ZNF804B: variants seen among roughly 807,000 people sequenced by gnomAD.
The protein encoded by ZNF804B is zinc finger 804B.
ZNF804B carries 80 observed loss-of-function variants against 101.4 expected under a neutral mutation model. The observed-to-expected ratio is 0.79, with a 90% CI of 0.66 to 0.95. The LOEUF (loss-of-function observed/expected upper bound fraction) is 0.95. Among genes scored for constraint, ZNF804B ranks in the 40% least tolerant of loss-of-function variants. The pLI, the probability that ZNF804B is intolerant of heterozygous loss-of-function variation, is 0.00. For synonymous variants in ZNF804B, 622 were observed against 558.8 expected (o/e 1.11, Z -1.59); for missense variants, 1,673 against 1,561.9 (o/e 1.07, Z -1.20).
rs1002400328 is a variant in ZNF804B at position 89,081,895 on chromosome 7, C to T, written c.109-136260C>T. On this transcript the variant is annotated intron_variant, in intron 1 of 3. Coordinates refer to ENST00000333190, the MANE Select transcript of ZNF804B (RefSeq NM_181646.5). ...CCCTTTTGTCTGAAACTCTTCCTTT[C>T]TTCAAATCCAAGGGAACATCTTCAC... is the stretch of plus-strand genomic sequence containing the variant. 4.0e-4 allele frequency among the ~76,000 whole-genome samples: 61 copies of T among 151,666 alleles called. 1 individual carries two copies. Among genetic ancestry groups the T allele is most frequent in the Non-Finnish European group, 3.0e-5 (2 of 67,752 alleles).
chr7:89,027,874 T>C (rs1464703158), intron 1 of ZNF804B, among the ~76,000 whole-genome samples: 1 of 152,164 alleles, frequency 6.6e-6, no homozygotes, highest in African/African-American at 2.4e-5. Context: ...ATGCCCTCAA[T>C]GTTCTGCTTT....
rs1365202784 is a variant in ZNF804B at position 89,277,310 on chromosome 7, GT to G, written c.250-50027del. Among the ~76,000 whole-genome samples, 125 of 148,720 alleles carry G rather than the reference GT, an allele frequency of 8.4e-4. 5 individuals are homozygous for G. The highest frequency in any genetic ancestry group is 2.9e-3 in the African/African-American group (119 of 40,406). ...TCTACCATCAAAAACATCTAAAGGA[GT>G]TTTTTTCTTTTTTTTTTCTTTTTTT... On this transcript the variant is annotated intron_variant, in intron 2 of 3. Coordinates refer to ENST00000333190, the MANE Select transcript of ZNF804B (RefSeq NM_181646.5).
At chr7:88,981,901 A>T (rs779578605) in intron 1 of ZNF804B, among the ~76,000 whole-genome samples, 1 of 151,992 alleles carries the variant, frequency 6.6e-6, no homozygotes, top group African/African-American at 2.4e-5. Context: ...ACTGTCTTTC[A>T]TACCCTCTTT....
chr7:88,800,344 T>C (rs1220206251), intron 1 of ZNF804B, among the ~76,000 whole-genome samples: 2 of 152,150 alleles, frequency 1.3e-5, no homozygotes, highest in Non-Finnish European at 2.9e-5. Context: ...CCAATAGTAT[T>C]ACGGAACAGT....
chr7:89,235,228 T>G (rs1789262555), intron 2 of ZNF804B, among the ~76,000 whole-genome samples: 1 of 152,214 alleles, frequency 6.6e-6, no homozygotes, highest in Non-Finnish European at 1.5e-5. Flanking sequence ...AATTTCTGTT[T>G]ATTTTTTCCA....
intron 1 of ZNF804B, among the ~76,000 whole-genome samples, chr7:89,029,797 A>C (rs1788803293): frequency 6.6e-6 from 1 of 152,122 alleles, no homozygotes; most frequent in Non-Finnish European, 1.5e-5. Flanking sequence ...TCCTTTCAGT[A>C]ATGTAATTGA....
At chr7:89,207,760 C>T (rs1380757788) in intron 1 of ZNF804B, among the ~76,000 whole-genome samples, 2 of 152,170 alleles carry the variant, frequency 1.3e-5, no homozygotes, top group Non-Finnish European at 2.9e-5. Flanking sequence ...ATCAATCAAT[C>T]AGTCAAATGT....
intron 1 of ZNF804B, among the ~76,000 whole-genome samples, chr7:88,894,750 G>C (rs1004310722): frequency 6.6e-5 from 10 of 152,104 alleles, no homozygotes; most frequent in African/African-American, 2.4e-4. Flanking sequence ...AAGGAAGCCA[G>C]TCTAAATAGG....
intron 2 of ZNF804B, among the ~76,000 whole-genome samples, chr7:89,276,649 C>T (rs552531041): frequency 1.3e-5 from 2 of 151,792 alleles, no homozygotes; most frequent in Non-Finnish European, 2.9e-5. Context: ...ATAAAAAATT[C>T]AGTAAATGTA....
chr7:88,942,116 G>A (rs1793062764), intron 1 of ZNF804B, among the ~76,000 whole-genome samples: 1 of 151,804 alleles, frequency 6.6e-6, no homozygotes, highest in South Asian at 2.1e-4. Flanking sequence ...CATGAAATAT[G>A]TATCTACTCA....
At chr7:89,215,108 G>C (rs1788870251) in intron 1 of ZNF804B, among the ~76,000 whole-genome samples, 1 of 152,150 alleles carries the variant, frequency 6.6e-6, no homozygotes, top group Admixed American at 6.5e-5. Flanking sequence ...AAAGAGGCCA[G>C]AATATGCCCT....
intron 2 of ZNF804B, among the ~76,000 whole-genome samples, chr7:89,246,834 A>G (rs1206283006): frequency 1.3e-5 from 2 of 151,744 alleles, no homozygotes; most frequent in African/African-American, 2.4e-5. Flanking sequence ...TTAAAAGCAT[A>G]TACTTGAGCA....
At chr7:88,994,089 C>T (rs913021823) in intron 1 of ZNF804B, among the ~76,000 whole-genome samples, 5 of 151,898 alleles carry the variant, frequency 3.3e-5, no homozygotes, top group Non-Finnish European at 7.4e-5. Context: ...ATCTTACATA[C>T]ATTTTATAAT....
chr7:89,116,317 A>G (rs943956942), intron 1 of ZNF804B, among the ~76,000 whole-genome samples: 5 of 152,164 alleles, frequency 3.3e-5, no homozygotes, highest in Admixed American at 2.6e-4. Flanking sequence ...TAAGACAGGT[A>G]TGGCTATTAA....
intron 1 of ZNF804B, among the ~76,000 whole-genome samples, chr7:88,952,363 AT>A (rs1316722076): frequency 6.6e-6 from 1 of 151,874 alleles, no homozygotes; most frequent in East Asian, 2.0e-4. Flanking sequence ...TATTTTAAAA[AT>A]AAAAGCAATT....
At chr7:88,810,208 CT>C (rs565825942) in intron 1 of ZNF804B, among the ~76,000 whole-genome samples, 90 of 147,940 alleles carry the variant, frequency 6.1e-4, no homozygotes, top group South Asian at 3.2e-3. Flanking sequence ...CACAGTCATG[CT>C]TTTTTTTTTC....
rs59112660 is a variant in ZNF804B at position 89,226,987 on chromosome 7, C to T, written c.249+8692C>T. On this transcript the variant is annotated intron_variant, in intron 2 of 3. Coordinates refer to ENST00000333190, the MANE Select transcript of ZNF804B (RefSeq NM_181646.5). ...CTTACACATATATAGTAAAGGCCTC[C>T]GTCTTTCTGCTCCAATCCTGACAAT... Among the ~76,000 whole-genome samples, 918 of 152,228 alleles carry T rather than the reference C, an allele frequency of 6.0e-3. 7 individuals carry two copies. Among genetic ancestry groups the T allele is most frequent in the African/African-American group, 0.019 (777 of 41,552 alleles).
intron 1 of ZNF804B, among the ~76,000 whole-genome samples, chr7:88,947,912 C>G (rs1005591739): frequency 2.0e-5 from 3 of 151,860 alleles, no homozygotes; most frequent in Non-Finnish European, 2.9e-5. Context: ...CTCAAGGATA[C>G]TGAGGAACAA....
chr7:89,039,803 A>C (rs2056652421), intron 1 of ZNF804B, among the ~76,000 whole-genome samples: 1 of 151,980 alleles, frequency 6.6e-6, no homozygotes, highest in South Asian at 2.1e-4. Flanking sequence ...TTATCGTCTC[A>C]TACTCTCCTG....
Sources: gnomAD v4.1 joint callset for allele counts (sites outside exome capture counted in the v4.1 genomes callset) on GRCh38, gnomAD v4.1.1 for gene constraint, MANE v1.5 for transcripts, NCBI Gene and HGNC (gene_info 2026-07-23, HGNC 2026-07-21) for gene names.